The following CNTN1 variants were observed in gnomAD, a reference collection of about 807,000 sequenced individuals.
The protein encoded by CNTN1 is contactin 1.
A neutral mutation model predicts 126.4 loss-of-function variants in CNTN1; 38 were observed. The observed-to-expected ratio is 0.30, with a 90% CI of 0.23 to 0.39. The LOEUF is 0.39. Ranked by LOEUF, CNTN1 falls within the 10% of genes least tolerant of loss-of-function variation. The pLI is 1.00. For missense variants in CNTN1, 1,009 were observed against 1,248.4 expected, an observed-to-expected ratio of 0.81 and a Z score of 2.89; for synonymous variants, 413 against 422.6, an observed-to-expected ratio of 0.98 and a Z score of 0.28.
chr12:40,894,443 C>T (rs1944339269), intron 1 of CNTN1, among the ~76,000 whole-genome samples: 1 of 152,096 alleles, frequency 6.6e-6, no homozygotes, highest in Non-Finnish European at 1.5e-5. Flanking sequence ...AAATCGACTA[C>T]AGTAACGCAA....
chr12:41,015,279 A>C (rs567547940), intron 18 of CNTN1, among the ~76,000 whole-genome samples: 1 of 152,228 alleles, frequency 6.6e-6, no homozygotes, highest in Non-Finnish European at 1.5e-5. Context: ...CAAATATTAT[A>C]AAAATTAGAA....
intron 1 of CNTN1, among the ~76,000 whole-genome samples, chr12:40,757,516 G>A (rs1217190728): frequency 1.3e-5 from 2 of 152,136 alleles, no homozygotes; most frequent in Non-Finnish European, 2.9e-5. Flanking sequence ...TTCAAAGTTA[G>A]GACTCACAGA....
Position 40,997,635 on chromosome 12 carries a change from G to T in CNTN1, c.2113+4366G>T, listed in dbSNP as rs77522774. On this transcript the variant is annotated intron_variant, in intron 17 of 23. Transcript: ENST00000551295. ...AAGCCATCTGAAGACCTGAATTAAAGATGGCAGCTTCTCCACATGTAAGCA... is the reference window on the plus strand; with the variant it reads ...AAGCCATCTGAAGACCTGAATTAAATATGGCAGCTTCTCCACATGTAAGCA... Among the ~76,000 whole-genome samples the T allele has an allele frequency of 3.0e-3, 456 of 152,300 alleles. 1 individual carries two copies. Among genetic ancestry groups the T allele is most frequent in the African/African-American group, 0.01 (430 of 41,584 alleles).
intron 14 of CNTN1, among the ~76,000 whole-genome samples, chr12:40,951,714 TTAAAAAAAAA>T (rs1391524006): frequency 1.6e-4 from 13 of 79,626 alleles, no homozygotes; most frequent in African/African-American, 1.8e-4. Context: ...GTCTCAAAAT[TTAAAAAAAAA>T]AAAAAAAAAA....
chr12:40,725,174 G>A (rs534181823), intron 1 of CNTN1, among the ~76,000 whole-genome samples: 19 of 152,178 alleles, frequency 1.2e-4, no homozygotes, highest in South Asian at 4.1e-4. Context: ...GGCCAAGGCC[G>A]GTGGATCACC....
Position 40,937,677 on chromosome 12 carries a change from G to A in CNTN1, c.1218G>A (p.Leu406=), listed in dbSNP as rs1208376348. The A allele has an allele frequency of 3.2e-6, 5 of 1,578,108 alleles. No homozygotes were observed. Among genetic ancestry groups the A allele is most frequent in the Non-Finnish European group, 4.4e-6 (5 of 1,147,550 alleles). The part of the protein sequence containing the change: ...TYGAIYANAE[L]KILALAPTFE... ...GAGCCATTTATGCAAATGCTGAGTT[G>A]AAGATCTTGGGTCAGTATCATTTCT... Residue 406 remains leucine (L), a synonymous_variant, in exon 11 of 24, where the codon TTG becomes TTA. Transcript: ENST00000551295.
intron 1 of CNTN1, among the ~76,000 whole-genome samples, chr12:40,849,172 C>T (rs1355102396): frequency 2.0e-5 from 3 of 152,080 alleles, no homozygotes; most frequent in Non-Finnish European, 4.4e-5. Flanking sequence ...TAATACCTGG[C>T]TTCACCAATT....
intron 1 of CNTN1, among the ~76,000 whole-genome samples, chr12:40,810,278 G>A (rs1941010191): frequency 6.6e-6 from 1 of 152,128 alleles, no homozygotes; most frequent in South Asian, 2.1e-4. Flanking sequence ...AGGTGTATAT[G>A]AGTCACAAAG....
intron 23 of CNTN1, among the ~76,000 whole-genome samples, chr12:41,056,313 A>C (rs1455386214): frequency 6.6e-6 from 1 of 152,176 alleles, no homozygotes; most frequent in Non-Finnish European, 1.5e-5. Flanking sequence ...AAATTCAGAG[A>C]GTTTATGTAA....
chr12:40,971,614 C>G, intron 15 of CNTN1: 1 of 1,511,288 alleles, frequency 6.6e-7, no homozygotes, highest in East Asian at 2.5e-5. Context: ...TCTCCCCACC[C>G]CCAACCTAGT....
chr12:40,822,408 G>A (rs553558156), intron 1 of CNTN1, among the ~76,000 whole-genome samples: 1 of 151,682 alleles, frequency 6.6e-6, no homozygotes, highest in Admixed American at 6.6e-5. Flanking sequence ...GCTCGCCTCG[G>A]GCTCCCAAAG....
At chr12:41,006,266 A>G (rs1592390650) in intron 17 of CNTN1, among the ~76,000 whole-genome samples, 1 of 152,226 alleles carries the variant, frequency 6.6e-6, no homozygotes, top group East Asian at 1.9e-4. Flanking sequence ...CTGGCTCCTC[A>G]AGGTTTGGAA....
In CNTN1 at chr12:41,029,033, C is replaced by A. The variant is rs1452866173; in HGVS notation, c.2824-30C>A. ...GCATTGGCTCATTATTATGACTTTA[C>A]TGCATATTTACATTTCTGTACTTTA... On this transcript the variant is annotated intron_variant, in intron 22 of 23. Coordinates refer to ENST00000551295, the MANE Select transcript of CNTN1 (RefSeq NM_001843.4). 1.9e-6 allele frequency: 3 copies of A among 1,608,708 alleles called. No individual in the cohort carries two copies. In the Admixed American group the frequency reaches 5.0e-5, roughly 27 times the overall value.
At chr12:40,964,561 C>T (rs1014986589) in intron 15 of CNTN1, among the ~76,000 whole-genome samples, 8 of 123,630 alleles carry the variant, frequency 6.5e-5, no homozygotes, top group Non-Finnish European at 1.1e-4. Flanking sequence ...TGTGTGTGTG[C>T]ATGCAGCTTT....
chr12:40,790,493 G>T (rs1001648310), intron 1 of CNTN1, among the ~76,000 whole-genome samples: 1 of 152,012 alleles, frequency 6.6e-6, no homozygotes, highest in Non-Finnish European at 1.5e-5. Flanking sequence ...TTTTCTCTGC[G>T]CATCACTATC....
intron 1 of CNTN1, among the ~76,000 whole-genome samples, chr12:40,899,809 T>C (rs2050246885): frequency 6.6e-6 from 1 of 152,210 alleles, no homozygotes; most frequent in Admixed American, 6.5e-5. Context: ...GTGCTGTTAA[T>C]GTAGGTGGCC....
chr12:40,948,485 C>T (rs1946525273), intron 14 of CNTN1, among the ~76,000 whole-genome samples: 1 of 151,906 alleles, frequency 6.6e-6, no homozygotes, highest in African/African-American at 2.4e-5. Context: ...AGTTGATCTT[C>T]ACAGAAATCC....
At position 40,737,359 on chromosome 12, in the gene CNTN1, G is replaced by GTATATATATA. The variant is rs57273919; in HGVS notation, c.-77+44781_-77+44790dup. Among the ~76,000 whole-genome samples the GTATATATATA allele has an allele frequency of 6.1e-3, 695 of 113,232 alleles. 2 individuals are homozygous for GTATATATATA. The highest frequency in any genetic ancestry group is 0.012 in the South Asian group (36 of 3,108). The allele number at this position is 113,232 out of a possible 152,430, so 74.3% of individuals were successfully genotyped here. On this transcript the variant is annotated intron_variant, in intron 1 of 23. Coordinates refer to ENST00000551295, the MANE Select transcript of CNTN1 (RefSeq NM_001843.4). ...TGTGTGTGTGTATATATGTGTGTGT[G>GTATATATATA]TATATATATATATATATATATATGA...
At position 40,964,227 on chromosome 12, in the gene CNTN1, T is replaced by G. The variant is rs117501284; in HGVS notation, c.1804+4993T>G. Among the ~76,000 whole-genome samples, 589 of 152,278 alleles carry G rather than the reference T, an allele frequency of 3.9e-3. 2 individuals are homozygous for G. Among genetic ancestry groups the G allele is most frequent in the Non-Finnish European group, 6.7e-3 (455 of 68,010 alleles). On this transcript the variant is annotated intron_variant, in intron 15 of 23. Coordinates refer to ENST00000551295, the MANE Select transcript of CNTN1 (RefSeq NM_001843.4). ...ACTATATATTTGTTTACATCTTATG[T>G]GTTACATTAAATGACGTTTGTTCAC... is the stretch of plus-strand genomic sequence containing the variant.
Sources: gnomAD v4.1 joint callset for allele counts (sites outside exome capture counted in the v4.1 genomes callset) on GRCh38, gnomAD v4.1.1 for gene constraint, MANE v1.5 for transcripts, NCBI Gene and HGNC (gene_info 2026-07-23, HGNC 2026-07-21) for gene names.